The following NLGN1 variants were observed in gnomAD, a reference collection of about 807,000 sequenced individuals.
The protein encoded by NLGN1 is neuroligin 1.
In NLGN1, 12 loss-of-function variants were observed where a neutral mutation model predicts 65.5. The ratio of observed to expected loss-of-function variants is 0.18; its 90% CI spans 0.12 to 0.30. The LOEUF is 0.30. Among genes scored for constraint, NLGN1 ranks in the 10% least tolerant of loss-of-function variants. NLGN1 has a pLI of 1.00. For synonymous variants in NLGN1, 350 were observed against 359.5 expected (o/e 0.97, Z 0.30); for missense variants, 750 against 1,007.1 (o/e 0.74, Z 3.46).
chr3:173,828,175 T>G (rs573806779), intron 4 of NLGN1, among the ~76,000 whole-genome samples: 1 of 152,298 alleles, frequency 6.6e-6, no homozygotes, highest in East Asian at 1.9e-4. Flanking sequence ...TGATTTAAAC[T>G]TGATAATATA....
chr3:174,271,137 G>T (rs1347646679), intron 4 of NLGN1, among the ~76,000 whole-genome samples: 1 of 151,702 alleles, frequency 6.6e-6, no homozygotes, highest in Admixed American at 6.6e-5. Flanking sequence ...GGACTAAAAA[G>T]AATATTGTAT....
intron 3 of NLGN1, 89 bp from the exon 4 acceptor site, chr3:173,807,591 C>T: frequency 7.0e-7 from 1 of 1,431,666 alleles, no homozygotes; most frequent in Non-Finnish European, 9.6e-7. Flanking sequence ...AAATTATGCC[C>T]TCTTTTCACT....
chr3:173,960,351 G>C (rs994347637), intron 4 of NLGN1, among the ~76,000 whole-genome samples: 1 of 151,776 alleles, frequency 6.6e-6, no homozygotes, highest in African/African-American at 2.4e-5. Context: ...ACCTTTGATC[G>C]TGCTAAAAAT....
chr3:174,118,757 G>C (rs1717114950), intron 4 of NLGN1, among the ~76,000 whole-genome samples: 1 of 152,116 alleles, frequency 6.6e-6, no homozygotes, highest in African/African-American at 2.4e-5. Context: ...CATTTGGAAT[G>C]ATCTGGAGAG....
intron 3 of NLGN1, among the ~76,000 whole-genome samples, chr3:173,743,049 G>A (rs1186248349): frequency 6.6e-6 from 1 of 152,078 alleles, no homozygotes; most frequent in African/African-American, 2.4e-5. Flanking sequence ...GCCAGTGTAG[G>A]CAATTATTCG....
At chr3:173,581,491 C>T (rs574601838) in intron 2 of NLGN1, among the ~76,000 whole-genome samples, 1 of 151,760 alleles carries the variant, frequency 6.6e-6, no homozygotes, top group Middle Eastern at 3.2e-3. Context: ...TTTCAGAGGC[C>T]CTGTTACTAT....
chr3:173,500,389 C>T (rs981498938), intron 2 of NLGN1, among the ~76,000 whole-genome samples: 7 of 152,132 alleles, frequency 4.6e-5, no homozygotes, highest in African/African-American at 1.4e-4. Flanking sequence ...GCCTTGCCTC[C>T]AAGGGATGAA....
intron 4 of NLGN1, among the ~76,000 whole-genome samples, chr3:174,244,530 A>C (rs1743443314): frequency 6.6e-6 from 1 of 152,198 alleles, no homozygotes; most frequent in African/African-American, 2.4e-5. Context: ...TTATTGAAGA[A>C]AATGCCCTTT....
At chr3:173,548,381 C>T (rs1180365738) in intron 2 of NLGN1, among the ~76,000 whole-genome samples, 2 of 151,982 alleles carry the variant, frequency 1.3e-5, no homozygotes, top group African/African-American at 4.8e-5. Flanking sequence ...ACTTTTAAAT[C>T]GTGTATGCCT....
chr3:173,549,781 G>A lies in NLGN1; in HGVS notation c.-320-54498G>A, dbSNP rs76847106. 7.9e-3 allele frequency among the ~76,000 whole-genome samples: 1,202 copies of A among 152,122 alleles called. 20 individuals are homozygous for A. Among genetic ancestry groups the A allele is most frequent in the Admixed American group, 0.033 (497 of 15,274 alleles). On this transcript the variant is annotated intron_variant, in intron 2 of 6. Transcript: ENST00000457714. ...ACAACATTAACCCTTAGGATTTGAA[G>A]GACAAGCCAATCCTGTATAAGCTAT...
At chr3:173,461,877 A>G (rs1160782962) in intron 2 of NLGN1, among the ~76,000 whole-genome samples, 1 of 152,092 alleles carries the variant, frequency 6.6e-6, no homozygotes, top group Non-Finnish European at 1.5e-5. Context: ...CAGTTTTCCT[A>G]GTGCCTCAAA....
intron 3 of NLGN1, among the ~76,000 whole-genome samples, chr3:173,616,419 A>G (rs1267286298): frequency 6.6e-6 from 1 of 152,262 alleles, no homozygotes; most frequent in Non-Finnish European, 1.5e-5. Context: ...ACTGGACTCA[A>G]AATGAGAGTT....
chr3:173,819,805 G>A (rs559353152), intron 4 of NLGN1, among the ~76,000 whole-genome samples: 23 of 152,154 alleles, frequency 1.5e-4, no homozygotes, highest in African/African-American at 4.3e-4. Flanking sequence ...CTCTGCATAC[G>A]TAATCAAAAG....
intron 4 of NLGN1, among the ~76,000 whole-genome samples, chr3:174,243,240 C>G (rs1395207952): frequency 1.3e-5 from 2 of 152,170 alleles, no homozygotes; most frequent in African/African-American, 2.4e-5. Context: ...TAACCCTTTG[C>G]TGTAAGGAAG....
chr3:173,738,394 C>G (rs1774112032), intron 3 of NLGN1, among the ~76,000 whole-genome samples: 1 of 151,888 alleles, frequency 6.6e-6, no homozygotes, highest in Non-Finnish European at 1.5e-5. Context: ...CATTTAGGTT[C>G]ATAATCTATT....
At chr3:173,920,959 A>G (rs1292686044) in intron 4 of NLGN1, among the ~76,000 whole-genome samples, 2 of 151,952 alleles carry the variant, frequency 1.3e-5, no homozygotes, top group African/African-American at 4.8e-5. Context: ...AAGGAACACA[A>G]TATAAACAAC....
intron 4 of NLGN1, among the ~76,000 whole-genome samples, chr3:173,838,009 A>C (rs533769960): frequency 1.1e-3 from 171 of 152,276 alleles, no homozygotes; most frequent in Non-Finnish European, 2.0e-3. Context: ...ATATTTAATT[A>C]GTCTAATTTT....
intron 4 of NLGN1, among the ~76,000 whole-genome samples, chr3:174,059,281 C>T (rs1299562580): frequency 6.6e-6 from 1 of 152,122 alleles, no homozygotes; most frequent in Non-Finnish European, 1.5e-5. Flanking sequence ...TCAGCATTGA[C>T]TTAGACTACG....
intron 3 of NLGN1, among the ~76,000 whole-genome samples, chr3:173,700,362 T>G (rs938628221): frequency 1.3e-5 from 2 of 152,240 alleles, no homozygotes; most frequent in Non-Finnish European, 2.9e-5. Context: ...GTTATCTGTG[T>G]GAACTTTGGT....
Sources: allele counts gnomAD v4.1 joint callset (sites outside exome capture counted in the v4.1 genomes callset), GRCh38; gene constraint gnomAD v4.1.1; transcripts MANE v1.5; gene names NCBI Gene and HGNC (gene_info 2026-07-23, HGNC 2026-07-21).